CSMD1: variants seen among roughly 807,000 people sequenced by gnomAD.
CSMD1 encodes the protein CUB and sushi domain-containing protein 1.
CSMD1 carries 213 observed loss-of-function variants against 417.5 expected under a neutral mutation model. The ratio of observed to expected loss-of-function variants is 0.51; its 90% CI spans 0.46 to 0.57. The LOEUF is 0.57. CSMD1 is among the 20% of genes least tolerant of loss of function. The pLI is 0.00. For synonymous variants in CSMD1, 2,862 were observed against 1,736.8 expected (o/e 1.65, Z -16.11); for missense variants, 6,923 against 4,529.7 (o/e 1.53, Z -15.17).
chr8:4,660,483 C>T (rs1460246533), intron 1 of CSMD1, among the ~76,000 whole-genome samples: 2 of 151,982 alleles, frequency 1.3e-5, no homozygotes, highest in Non-Finnish European at 1.5e-5. Flanking sequence ...AATTCCATTA[C>T]AAATCCTAAC....
At chr8:3,308,289 G>A (rs1338488510) in intron 24 of CSMD1, 23 bp downstream of exon 24, 5 of 1,581,884 alleles carry the variant, frequency 3.2e-6, no homozygotes, top group South Asian at 2.2e-5. Flanking sequence ...TTTGCACAAT[G>A]GTATGACTGC....
chr8:3,918,044 GGTGA>G (rs1422937063), intron 5 of CSMD1, among the ~76,000 whole-genome samples: 15 of 151,936 alleles, frequency 9.9e-5, no homozygotes, highest in South Asian at 4.2e-4. Flanking sequence ...TTTTTTAAGG[GGTGA>G]GTAATATTTC....
At chr8:4,613,696 G>A (rs998018983) in intron 2 of CSMD1, among the ~76,000 whole-genome samples, 6 of 152,018 alleles carry the variant, frequency 3.9e-5, no homozygotes, top group Non-Finnish European at 7.3e-5. Context: ...AATGGCAGTA[G>A]TAAATCATTC....
intron 3 of CSMD1, among the ~76,000 whole-genome samples, chr8:4,080,590 C>A (rs577123623): frequency 1.1e-4 from 17 of 152,244 alleles, no homozygotes; most frequent in Admixed American, 5.2e-4. Flanking sequence ...TGTATGATGT[C>A]ATAGTTTTTA....
intron 3 of CSMD1, among the ~76,000 whole-genome samples, chr8:4,046,353 A>G (rs900973369): frequency 1.2e-4 from 19 of 152,172 alleles, no homozygotes; most frequent in Admixed American, 3.3e-4. Context: ...CAATGTTATC[A>G]TTATAAACAC....
intron 3 of CSMD1, among the ~76,000 whole-genome samples, chr8:4,361,608 C>G (rs145736595): frequency 1.4e-4 from 21 of 152,232 alleles, no homozygotes; most frequent in African/African-American, 5.1e-4. Context: ...TTTTATACTC[C>G]CAACTCTCTG....
chr8:4,582,579 C>T (rs1563307583), intron 2 of CSMD1, among the ~76,000 whole-genome samples: 2 of 152,198 alleles, frequency 1.3e-5, no homozygotes, highest in African/African-American at 4.8e-5. Flanking sequence ...CCAAAGCCCA[C>T]AGCTGAAGGT....
intron 11 of CSMD1, among the ~76,000 whole-genome samples, chr8:3,479,254 C>A (rs1382159598): frequency 1.3e-5 from 2 of 152,090 alleles, no homozygotes; most frequent in Non-Finnish European, 2.9e-5. Flanking sequence ...GGTACAAAAG[C>A]AATTGCAGTT....
chr8:4,158,631 T>C (rs185290573), intron 3 of CSMD1, among the ~76,000 whole-genome samples: 156 of 152,236 alleles, frequency 1.0e-3, no homozygotes, highest in African/African-American at 3.5e-3. Context: ...ATTTTCACAG[T>C]GGCGTTGCTG....
chr8:3,342,838 AGTT>A (rs968952596), intron 23 of CSMD1, among the ~76,000 whole-genome samples: 33 of 147,840 alleles, frequency 2.2e-4, no homozygotes, highest in South Asian at 6.4e-4. Flanking sequence ...CATATTATGT[AGTT>A]GTTGTGTGTG....
intron 1 of CSMD1, among the ~76,000 whole-genome samples, chr8:4,954,660 T>A (rs1400678649): frequency 6.6e-6 from 1 of 152,236 alleles, no homozygotes; most frequent in Non-Finnish European, 1.5e-5. Flanking sequence ...TGTGTACTCA[T>A]CTGAATTCAT....
intron 3 of CSMD1, among the ~76,000 whole-genome samples, chr8:4,133,131 T>C (rs780298304): frequency 6.6e-6 from 1 of 152,168 alleles, no homozygotes; most frequent in African/African-American, 2.4e-5. Context: ...AGAGAAGGGG[T>C]TTCACCATAT....
rs748579766 is a variant in CSMD1, at chr8:4,391,936, T to G, written c.415+28017A>C. Among the ~76,000 whole-genome samples the G allele has an allele frequency of 5.9e-5, 9 of 152,310 alleles. 1 individual carries two copies. Among genetic ancestry groups the G allele is most frequent in the Middle Eastern group, 6.8e-3 (2 of 294 alleles). ...AGAACCCTGAGGCTCCCATGAAGAA[T>G]ACTGAGATAGTCTCCTTGAGCAGAA... On this transcript the variant is annotated intron_variant, in intron 3 of 69. Transcript: ENST00000635120.
At chr8:3,908,379 A>C (rs1808246593) in intron 5 of CSMD1, among the ~76,000 whole-genome samples, 1 of 152,188 alleles carries the variant, frequency 6.6e-6, no homozygotes, top group Non-Finnish European at 1.5e-5. Flanking sequence ...ACATTTTCCC[A>C]ATGGGAATCT....
At chr8:4,759,388 C>T (rs1247002067) in intron 1 of CSMD1, among the ~76,000 whole-genome samples, 1 of 152,168 alleles carries the variant, frequency 6.6e-6, no homozygotes, top group Non-Finnish European at 1.5e-5. Flanking sequence ...GGCTATTATC[C>T]AATGGCATCT....
chr8:4,385,449 C>G (rs1468657444), intron 3 of CSMD1, among the ~76,000 whole-genome samples: 1 of 152,134 alleles, frequency 6.6e-6, no homozygotes, highest in African/African-American at 2.4e-5. Flanking sequence ...TGTTTCTTTT[C>G]TTAGTTTTAT....
chr8:3,468,408 A>C (rs1816905084), intron 12 of CSMD1, among the ~76,000 whole-genome samples: 1 of 152,186 alleles, frequency 6.6e-6, no homozygotes, highest in African/African-American at 2.4e-5. Flanking sequence ...GACACCAGCC[A>C]ATATGATATG....
At chr8:3,857,980 C>A (rs1020375942) in intron 5 of CSMD1, among the ~76,000 whole-genome samples, 6 of 152,168 alleles carry the variant, frequency 3.9e-5, no homozygotes, top group African/African-American at 7.2e-5. Context: ...TAAAATTGTT[C>A]GGCATGGTGC....
At chr8:4,943,336 T>C (rs1439435024) in intron 1 of CSMD1, among the ~76,000 whole-genome samples, 1 of 151,516 alleles carries the variant, frequency 6.6e-6, no homozygotes, top group East Asian at 2.0e-4. Flanking sequence ...TCTACTAAAA[T>C]ATACAAAAAA....
Sources: allele counts gnomAD v4.1 joint callset (sites outside exome capture counted in the v4.1 genomes callset), GRCh38; gene constraint gnomAD v4.1.1; transcripts MANE v1.5; gene names NCBI Gene and HGNC (gene_info 2026-07-23, HGNC 2026-07-21).